The following SIPA1L1 variants were observed in gnomAD, a reference collection of about 807,000 sequenced individuals.
The protein encoded by SIPA1L1 is signal-induced proliferation-associated 1-like protein 1.
In SIPA1L1, 26 loss-of-function variants were observed where a neutral mutation model predicts 162.7. The ratio of observed to expected loss-of-function variants is 0.16; its 90% CI spans 0.12 to 0.22. The LOEUF (loss-of-function observed/expected upper bound fraction) is 0.22, where lower values mean the gene tolerates loss of function less well. Ranked by LOEUF, SIPA1L1 falls within the 10% of genes least tolerant of loss-of-function variation. The pLI, the probability that SIPA1L1 is intolerant of heterozygous loss-of-function variation, is 1.00. For synonymous variants in SIPA1L1, 829 were observed against 837.4 expected (o/e 0.99, Z 0.17); for missense variants, 1,874 against 2,241.0 (o/e 0.84, Z 3.31).
In SIPA1L1 at chr14:71,706,179, C is replaced by T. The variant is rs142033314; in HGVS notation, c.3765+839C>T. Among the ~76,000 whole-genome samples the T allele has an allele frequency of 3.8e-3, 576 of 152,170 alleles. 1 individual carries two copies. The highest frequency in any genetic ancestry group is 7.7e-3 in the Admixed American group (118 of 15,290). On this transcript the variant is annotated intron_variant, in intron 16 of 23. Transcript: ENST00000381232. Reference sequence around the variant, plus strand: ...AACAAGCAAGAGTTAGCATGCCCTACGCTTTTCTCTGAAGAGAAAGGTTTT... The same window carrying T: ...AACAAGCAAGAGTTAGCATGCCCTATGCTTTTCTCTGAAGAGAAAGGTTTT...
chr14:71,629,980 A>G (rs903806933), intron 7 of SIPA1L1, among the ~76,000 whole-genome samples: 1 of 152,240 alleles, frequency 6.6e-6, no homozygotes, highest in Admixed American at 6.5e-5. Flanking sequence ...TTGTGAGGAT[A>G]AATGAGTTTG....
rs1221761439 is a variant in SIPA1L1 at position 71,631,957 on chromosome 14, A to AT, written c.1818+7729dup. Among the ~76,000 whole-genome samples, 13 of 152,194 alleles carry AT rather than the reference A, an allele frequency of 8.5e-5. No individual in the cohort carries two copies. The East Asian group carries it at 1.3e-3, about 16-fold the overall frequency. ...AAAGCAAATAATGTGAATTAGAACAATTTTTTTTGTTTTATTTTAATGACC... is the reference window on the plus strand; with the variant it reads ...AAAGCAAATAATGTGAATTAGAACAATTTTTTTTTGTTTTATTTTAATGACC... On this transcript the variant is annotated intron_variant, in intron 7 of 23. Transcript: ENST00000381232.
At chr14:71,720,830 T>C (rs2083658214) in intron 17 of SIPA1L1, among the ~76,000 whole-genome samples, 1 of 152,150 alleles carries the variant, frequency 6.6e-6, no homozygotes, top group Non-Finnish European at 1.5e-5. Flanking sequence ...TTGTTAAATT[T>C]TTGATAGAAT....
intron 5 of SIPA1L1, among the ~76,000 whole-genome samples, chr14:71,612,482 C>G (rs1389543271): frequency 6.6e-6 from 1 of 152,134 alleles, no homozygotes; most frequent in Non-Finnish European, 1.5e-5. Flanking sequence ...AAACATGTTT[C>G]AAGCAATAAA....
intron 13 of SIPA1L1, among the ~76,000 whole-genome samples, chr14:71,692,232 G>A (rs1046235752): frequency 6.6e-6 from 1 of 152,212 alleles, no homozygotes; most frequent in African/African-American, 2.4e-5. Context: ...GCACTTGATA[G>A]TCTGATAAAG....
intron 4 of SIPA1L1, among the ~76,000 whole-genome samples, chr14:71,565,342 T>C (rs925992438): frequency 6.6e-6 from 1 of 152,236 alleles, no homozygotes; most frequent in African/African-American, 2.4e-5. Flanking sequence ...GGAGACTTTT[T>C]TGAAGTTATT....
chr14:71,638,826 C>G (rs950249052), intron 7 of SIPA1L1, among the ~76,000 whole-genome samples: 1 of 152,152 alleles, frequency 6.6e-6, no homozygotes, highest in African/African-American at 2.4e-5. Flanking sequence ...CATCAACTTA[C>G]AAAAATCAGT....
chr14:71,395,687 G>A (rs960157460), intron 2 of SIPA1L1, among the ~76,000 whole-genome samples: 1 of 152,174 alleles, frequency 6.6e-6, no homozygotes, highest in Non-Finnish European at 1.5e-5. Flanking sequence ...TGGTCCTGCT[G>A]TAGACCACAC....
intron 4 of SIPA1L1, among the ~76,000 whole-genome samples, chr14:71,579,128 C>G (rs2033552820): frequency 6.6e-6 from 1 of 152,164 alleles, no homozygotes; most frequent in South Asian, 2.1e-4. Context: ...GTTTACATTT[C>G]TCTCAGCTGC....
At chr14:71,511,275 T>A (rs1238999188) in intron 2 of SIPA1L1, among the ~76,000 whole-genome samples, 1 of 151,950 alleles carries the variant, frequency 6.6e-6, no homozygotes, top group Non-Finnish European at 1.5e-5. Flanking sequence ...ACAGGAGCAT[T>A]TTCAGCCCCC....
intron 7 of SIPA1L1, among the ~76,000 whole-genome samples, chr14:71,636,870 G>T (rs2148843029): frequency 6.6e-6 from 1 of 152,060 alleles, no homozygotes; most frequent in Non-Finnish European, 1.5e-5. Flanking sequence ...GGCCAACATG[G>T]TGAAACCACG....
In SIPA1L1 at chr14:71,377,132, C is replaced by T. The variant is rs1428167731; in HGVS notation, c.-465+55951C>T. On this transcript the variant is annotated intron_variant, in intron 2 of 23. Transcript: ENST00000381232. This position sits in a 1 kb window ranked among gnomAD's most constrained non-coding sequence, Gnocchi z 4.8. ...GGCCGGGCAGAGGGGCCCCCCCACC[C>T]CCCAGATGGGGCGGCCAGGCAGAGG... is the stretch of plus-strand genomic sequence containing the variant. Among the ~76,000 whole-genome samples the T allele has an allele frequency of 1.3e-5, 2 of 151,036 alleles. No individual in the cohort carries two copies. The highest frequency in any genetic ancestry group is 3.0e-5 in the Non-Finnish European group (2 of 67,570).
At chr14:71,558,678 G>A (rs2056545357) in intron 4 of SIPA1L1, among the ~76,000 whole-genome samples, 1 of 152,054 alleles carries the variant, frequency 6.6e-6, no homozygotes, top group African/African-American at 2.4e-5. Flanking sequence ...TTAATTTCCT[G>A]AAGCATTTTG....
chr14:71,399,558 C>T (rs2041497558), intron 2 of SIPA1L1, among the ~76,000 whole-genome samples: 1 of 152,018 alleles, frequency 6.6e-6, no homozygotes, highest in South Asian at 2.1e-4. Flanking sequence ...GTGCACACCA[C>T]CATACCTGGC....
intron 2 of SIPA1L1, among the ~76,000 whole-genome samples, chr14:71,396,592 T>G (rs190328826): frequency 1.1e-4 from 16 of 152,334 alleles, no homozygotes; most frequent in Middle Eastern, 3.4e-3. Flanking sequence ...TGGTCAGTTA[T>G]CTGAGGTTGA....
intron 2 of SIPA1L1, among the ~76,000 whole-genome samples, chr14:71,458,177 CCTT>C (rs1567049248): frequency 6.6e-6 from 1 of 152,004 alleles, no homozygotes; most frequent in African/African-American, 2.4e-5. Flanking sequence ...ATGGTTTTGG[CCTT>C]GAGTTCAAGT....
intron 4 of SIPA1L1, among the ~76,000 whole-genome samples, chr14:71,542,677 T>C (rs1595996862): frequency 9.6e-6 from 1 of 103,950 alleles, no homozygotes; most frequent in South Asian, 4.1e-4. Context: ...CTCCTCCTCC[T>C]CCTCCTTCCT....
chr14:71,543,930 T>TATGTGTGTATATATACATATACGCAC (rs1170763219), intron 4 of SIPA1L1, among the ~76,000 whole-genome samples: 32 of 136,718 alleles, frequency 2.3e-4, no homozygotes, highest in African/African-American at 3.2e-4. Flanking sequence ...ATCATACGTA[T>TATGTGTGTATATATACATATACGCAC]ATGTGTGTAT....
intron 3 of SIPA1L1, among the ~76,000 whole-genome samples, chr14:71,520,633 T>A (rs1021271108): frequency 6.6e-5 from 10 of 152,254 alleles, no homozygotes; most frequent in African/African-American, 2.2e-4. Flanking sequence ...CTTTTGTATA[T>A]GGCTTTTTTC....
Sources: gnomAD v4.1 joint callset for allele counts (sites outside exome capture counted in the v4.1 genomes callset) on GRCh38, gnomAD v4.1.1 for gene constraint, Gnocchi (gnomAD v3.1) non-coding constraint, MANE v1.5 for transcripts, NCBI Gene and HGNC (gene_info 2026-07-23, HGNC 2026-07-21) for gene names.